Variants in KIAA1549 observed in about 807,000 individuals in gnomAD.
KIAA1549 encodes the protein KIAA1549.
KIAA1549 carries 70 observed loss-of-function variants against 156.4 expected under a neutral mutation model. The observed-to-expected ratio is 0.45, with a 90% CI of 0.37 to 0.55. The LOEUF is 0.55. Among genes scored for constraint, KIAA1549 ranks in the 20% least tolerant of loss-of-function variants. The probability of loss-of-function intolerance (pLI) is 0.00; values close to 1 mark genes in which losing one functional copy is unlikely to be tolerated. For synonymous variants in KIAA1549, 1,103 were observed against 1,066.4 expected (o/e 1.03, Z -0.67); for missense variants, 2,428 against 2,540.9 (o/e 0.96, Z 0.96).
At chr7:138,861,561 T>C in intron 15 of KIAA1549, 105 bp from the exon 16 acceptor site, 1 of 983,042 alleles carries the variant, frequency 1.0e-6, no homozygotes. Context: ...AATTAAAAAA[T>C]GACAGTTGAG....
At chr7:138,953,422 T>C (rs2130543394) in intron 1 of KIAA1549, among the ~76,000 whole-genome samples, 1 of 151,920 alleles carries the variant, frequency 6.6e-6, no homozygotes, top group African/African-American at 2.4e-5. Flanking sequence ...TTAAGCACAA[T>C]AATAATAGGA....
At chr7:138,924,140 CTTA>C (rs1812641612) in intron 1 of KIAA1549, among the ~76,000 whole-genome samples, 2 of 150,970 alleles carry the variant, frequency 1.3e-5, no homozygotes, top group African/African-American at 4.9e-5. Context: ...AAACACGATA[CTTA>C]TTATGACCAC....
chr7:138,957,463 C>CTT (rs1813701003), intron 1 of KIAA1549, among the ~76,000 whole-genome samples: 1 of 126,402 alleles, frequency 7.9e-6, no homozygotes, highest in South Asian at 3.1e-4. Flanking sequence ...CCTTCTCCTT[C>CTT]TTCTTCTTCT....
chr7:138,959,474 G>A (rs1384338106), intron 1 of KIAA1549, among the ~76,000 whole-genome samples: 2 of 152,134 alleles, frequency 1.3e-5, no homozygotes, highest in African/African-American at 4.8e-5. Context: ...AGGACAAAGG[G>A]TCTTTATGTT....
chr7:138,912,414 TTTGA>T lies in KIAA1549; in HGVS notation c.2921_2924del (p.Ile974LysfsTer4). 1.2e-6 allele frequency: 2 copies of T among 1,613,946 alleles called. No homozygotes were observed. The highest frequency in any genetic ancestry group is 1.7e-6 in the Non-Finnish European group (2 of 1,179,850). On this transcript the variant is annotated frameshift_variant, in exon 3 of 20. Coordinates refer to ENST00000422774, the MANE Select transcript of KIAA1549 (RefSeq NM_001164665.2). LOFTEE classifies it high-confidence loss of function. ...GGTTGAAGTGAATCCTCAGTACTTC[TTTGA>T]TTGCTGTAATGATGTACTCCTGCAC...
At chr7:138,872,699 GT>G in intron 12 of KIAA1549, among the ~76,000 whole-genome samples, 1 of 152,344 alleles carries the variant, frequency 6.6e-6, no homozygotes, top group South Asian at 2.1e-4. Context: ...GAGCCCAGGA[GT>G]TTGAGACCAG....
intron 1 of KIAA1549, among the ~76,000 whole-genome samples, chr7:138,924,282 G>C (rs1253484687): frequency 6.8e-6 from 1 of 147,278 alleles, no homozygotes; most frequent in Non-Finnish European, 1.5e-5. Flanking sequence ...CTGTCAAATT[G>C]TGTATCATAT....
At position 138,911,397 on chromosome 7, in the gene KIAA1549, A is replaced by C. The variant is rs1563073838; in HGVS notation, c.2968-74T>G. ...GTTACACAGAAAAATAAAAAATTAT[A>C]AACTAAAAAAACTGGTAGTTTTGAA... On this transcript the variant is annotated intron_variant, in intron 3 of 19. Coordinates refer to ENST00000422774, the MANE Select transcript of KIAA1549 (RefSeq NM_001164665.2). The C allele has an allele frequency of 8.2e-6, 9 of 1,101,016 alleles. No individual in the cohort carries two copies. The South Asian group carries it at 1.4e-4, about 17-fold the overall frequency. 68.2% of individuals were successfully genotyped at this position (1,101,016 alleles called of 1,614,324 possible).
At chr7:138,878,753 C>A (rs1320233480) in intron 12 of KIAA1549, among the ~76,000 whole-genome samples, 2 of 136,628 alleles carry the variant, frequency 1.5e-5, no homozygotes, top group East Asian at 3.9e-4. Context: ...TAGAGCAAGA[C>A]CCTGTCTCAA....
At chr7:138,927,062 A>G (rs2130498111) in intron 1 of KIAA1549, among the ~76,000 whole-genome samples, 1 of 152,332 alleles carries the variant, frequency 6.6e-6, no homozygotes, top group Admixed American at 6.5e-5. Flanking sequence ...AACTTTATCA[A>G]AATGGAATCA....
chr7:138,863,340 G>A (rs1314683466), intron 15 of KIAA1549, among the ~76,000 whole-genome samples: 3 of 151,832 alleles, frequency 2.0e-5, no homozygotes, highest in Admixed American at 1.3e-4. Context: ...AAGACATTCC[G>A]TTACCCATCT....
chr7:138,931,647 G>C (rs1292532351), intron 1 of KIAA1549, among the ~76,000 whole-genome samples: 3 of 151,504 alleles, frequency 2.0e-5, no homozygotes, highest in Non-Finnish European at 4.4e-5. Context: ...ATCTACTCGG[G>C]AGGCTGAGGC....
chr7:138,953,071 T>C (rs1297778300), intron 1 of KIAA1549, among the ~76,000 whole-genome samples: 2 of 152,196 alleles, frequency 1.3e-5, no homozygotes, highest in East Asian at 3.9e-4. Context: ...TAAAAGCAGC[T>C]GTAGCTGGGC....
intron 1 of KIAA1549, among the ~76,000 whole-genome samples, chr7:138,964,476 C>T (rs73732914): frequency 0.042 from 6,412 of 152,230 alleles, 454 homozygotes; most frequent in African/African-American, 0.15. Flanking sequence ...AATTGTTGCA[C>T]GGATTAAACA....
chr7:138,949,233 C>A (rs1021973371), intron 1 of KIAA1549, among the ~76,000 whole-genome samples: 2 of 152,102 alleles, frequency 1.3e-5, no homozygotes, highest in African/African-American at 2.4e-5. Flanking sequence ...CTTAACAAAG[C>A]AGTCATTACC....
intron 15 of KIAA1549, among the ~76,000 whole-genome samples, chr7:138,862,662 G>A: frequency 6.6e-6 from 1 of 152,206 alleles, no homozygotes. Context: ...CAGACACAGT[G>A]GCTCACGCCT....
At chr7:138,840,664 G>T (rs1296483964) in intron 18 of KIAA1549, among the ~76,000 whole-genome samples, 2 of 151,998 alleles carry the variant, frequency 1.3e-5, no homozygotes, top group African/African-American at 2.4e-5. Flanking sequence ...TTCCACCCAG[G>T]GCTGTGCAGC....
chr7:138,865,733 G>A (rs1264994759), intron 15 of KIAA1549, among the ~76,000 whole-genome samples: 2 of 152,204 alleles, frequency 1.3e-5, no homozygotes, highest in African/African-American at 4.8e-5. Flanking sequence ...ATGCTGCAAA[G>A]CTACCGCAAA....
rs939252116 is a variant in KIAA1549, at chr7:138,836,786, C to T, written c.*1120G>A. 8.9e-6 allele frequency: 2 copies of T among 223,880 alleles called. No individual in the cohort carries two copies. The highest frequency in any genetic ancestry group is 6.5e-5 in the East Asian group (1 of 15,346). The allele number at this position is 223,880 out of a possible 1,614,324, so 13.9% of individuals were successfully genotyped here. Reference sequence around the variant, plus strand: ...TCCTTTCCCTTGGGGTCTCAAAGCTCTTTTACATTTCTTGATTCATTACAG... The same window carrying T: ...TCCTTTCCCTTGGGGTCTCAAAGCTTTTTTACATTTCTTGATTCATTACAG... On this transcript the variant is annotated 3_prime_UTR_variant, in exon 20 of 20. Transcript: ENST00000422774.
Sources: gnomAD v4.1 joint callset for allele counts (sites outside exome capture counted in the v4.1 genomes callset) on GRCh38, gnomAD v4.1.1 for gene constraint, MANE v1.5 for transcripts, NCBI Gene and HGNC (gene_info 2026-07-23, HGNC 2026-07-21) for gene names.